The following PASD1 variants were observed in gnomAD, a reference collection of about 807,000 sequenced individuals.
PASD1 encodes the protein circadian clock protein PASD1.
In PASD1, 13 loss-of-function variants were observed where a neutral mutation model predicts 58.8. The ratio of observed to expected loss-of-function variants is 0.22; its 90% CI spans 0.14 to 0.35. PASD1 has a LOEUF of 0.35. Among genes scored for constraint, PASD1 ranks in the 10% least tolerant of loss-of-function variants. The pLI is 1.00. For synonymous variants in PASD1, 236 were observed against 216.7 expected (o/e 1.09, Z -0.78); for missense variants, 734 against 568.3 (o/e 1.29, Z -2.96).
chrX:151,606,982 G>A (rs2013497031), intron 3 of PASD1, among the ~76,000 whole-genome samples: 1 of 111,131 alleles, frequency 9.0e-6, no homozygotes, highest in Non-Finnish European at 1.9e-5. Context: ...ATAACATATA[G>A]TAACACTTAA....
intron 1 of PASD1, among the ~76,000 whole-genome samples, chrX:151,570,470 G>A (rs1347281760): frequency 8.9e-6 from 1 of 112,312 alleles, no homozygotes; most frequent in African/African-American, 3.2e-5. Context: ...TTTAAAAAAT[G>A]AAATTCTAAA....
At chrX:151,630,569 CATCAT>C (rs2124279768) in intron 8 of PASD1, among the ~76,000 whole-genome samples, 1 of 112,323 alleles carries the variant, frequency 8.9e-6, no homozygotes, top group East Asian at 2.8e-4. Context: ...GAAGAGATTG[CATCAT>C]ATCAGGGTTG....
intron 1 of PASD1, among the ~76,000 whole-genome samples, chrX:151,579,800 T>G (rs2013058622): frequency 2.7e-5 from 3 of 112,089 alleles, no homozygotes; most frequent in Admixed American, 1.9e-4. Context: ...TAGACAAGAT[T>G]ACACATGTTG....
intron 9 of PASD1, among the ~76,000 whole-genome samples, chrX:151,649,481 A>G (rs1179342567): frequency 8.9e-6 from 1 of 111,888 alleles, no homozygotes; most frequent in Non-Finnish European, 1.9e-5. Context: ...CATCTGTAAA[A>G]TGGAAGTAGT....
chrX:151,604,795 G>A lies in PASD1; in HGVS notation c.117+61G>A. ...TTGAATACATGTAATAGAAGACAAA[G>A]AATAGTGTTTGTCAAAGTGTGATTA... On this transcript the variant is annotated intron_variant, in intron 3 of 15. Coordinates refer to ENST00000370357, the MANE Select transcript of PASD1 (RefSeq NM_173493.3). 5.5e-6 allele frequency: 5 copies of A among 906,593 alleles called. No individual in the cohort carries two copies. The South Asian group carries it at 8.9e-5, about 16-fold the overall frequency. 74.7% of individuals were successfully genotyped at this position (906,593 alleles called of 1,213,427 possible).
Position 151,663,986 on chromosome X carries a change from T to C in PASD1, c.842-133T>C, listed in dbSNP as rs186112067. 1.4e-5 allele frequency: 14 copies of C among 988,507 alleles called. No individual in the cohort carries two copies. The East Asian group carries it at 4.4e-4, about 31-fold the overall frequency. 81.5% of individuals were successfully genotyped at this position (988,507 alleles called of 1,213,427 possible). ...AAATATGAACAGATTTTTAAAATAA[T>C]ATTCTGAATGATTCCTGGCACCTGG... On this transcript the variant is annotated intron_variant, in intron 10 of 15. Coordinates refer to ENST00000370357, the MANE Select transcript of PASD1 (RefSeq NM_173493.3).
At chrX:151,667,593 A>C (rs977244758) in intron 11 of PASD1, among the ~76,000 whole-genome samples, 16 of 112,228 alleles carry the variant, frequency 1.4e-4, no homozygotes, top group Non-Finnish European at 3.0e-4. Context: ...TCAGCTTTCT[A>C]CATATGGCTA....
intron 4 of PASD1, among the ~76,000 whole-genome samples, chrX:151,617,724 G>C (rs1225477804): frequency 8.9e-6 from 1 of 111,973 alleles, no homozygotes; most frequent in Non-Finnish European, 1.9e-5. Flanking sequence ...ATGCAAACTG[G>C]ACTTGAGGCA....
intron 1 of PASD1, among the ~76,000 whole-genome samples, chrX:151,591,915 C>CT (rs934399670): frequency 2.7e-5 from 3 of 111,843 alleles, no homozygotes; most frequent in Non-Finnish European, 5.6e-5. Flanking sequence ...CTCTCTCTCT[C>CT]TTTTTTTGTC....
At chrX:151,600,288 C>A (rs1035893804) in intron 1 of PASD1, among the ~76,000 whole-genome samples, 10 of 101,811 alleles carry the variant, frequency 9.8e-5, no homozygotes, top group African/African-American at 3.7e-4. Context: ...AGAGGGAGAC[C>A]GTGCAAAGAG....
intron 8 of PASD1, among the ~76,000 whole-genome samples, chrX:151,625,933 T>C (rs1275168359): frequency 9.0e-6 from 1 of 111,700 alleles, no homozygotes. Context: ...GGCAACAGAG[T>C]GAGACCCTGT....
At chrX:151,628,781 C>T (rs1046014904) in intron 8 of PASD1, among the ~76,000 whole-genome samples, 1 of 111,813 alleles carries the variant, frequency 8.9e-6, no homozygotes, top group African/African-American at 3.3e-5. Context: ...TTACCTTGGG[C>T]AGTATGGCCA....
At position 151,611,766 on chromosome X, in the gene PASD1, T is replaced by A. The variant is rs2013562348; in HGVS notation, c.207+13T>A. The A allele has an allele frequency of 8.6e-7, 1 of 1,156,597 alleles. No homozygotes were observed. The highest frequency in any genetic ancestry group is 1.2e-6 in the Non-Finnish European group (1 of 851,759). On this transcript the variant is annotated intron_variant, in intron 4 of 15. Coordinates refer to ENST00000370357, the MANE Select transcript of PASD1 (RefSeq NM_173493.3). Reference sequence around the variant, plus strand: ...TGGACATTTACCAGTAAGTTCTTTCTACTTTTGGGAAAGTGGATCATTCTG... The same window carrying A: ...TGGACATTTACCAGTAAGTTCTTTCAACTTTTGGGAAAGTGGATCATTCTG...
In PASD1 at chrX:151,676,499, GA is replaced by G. The variant is rs1286710772; in HGVS notation, c.*365del. On this transcript the variant is annotated 3_prime_UTR_variant, in exon 16 of 16. Coordinates refer to ENST00000370357, the MANE Select transcript of PASD1 (RefSeq NM_173493.3). ...CAAAGTTTTCAACATAAAGAATAAA[GA>G]AAAAAAAATGCCAAAGTGCTTTTCA... 88 of 148,732 alleles carry G rather than the reference GA, an allele frequency of 5.9e-4. No homozygotes were observed. The highest frequency in any genetic ancestry group is 2.0e-3 in the African/African-American group (64 of 31,788). The allele number at this position is 148,732 out of a possible 1,213,427, so 12.3% of individuals were successfully genotyped here.
chrX:151,661,957 G>A (rs1333997440), intron 10 of PASD1, among the ~76,000 whole-genome samples: 1 of 112,205 alleles, frequency 8.9e-6, no homozygotes, highest in Non-Finnish European at 1.9e-5. Flanking sequence ...ATTGCTGGTG[G>A]TGTTAACTTG....
rs113626398 is a variant in PASD1, at chrX:151,580,077, T to C, written c.-28+16238T>C. Among the ~76,000 whole-genome samples, 877 of 112,092 alleles carry C rather than the reference T, an allele frequency of 7.8e-3. 7 individuals are homozygous for C. Among genetic ancestry groups the C allele is most frequent in the African/African-American group, 0.027 (822 of 30,898 alleles). The stretch of plus-strand genomic sequence containing the variant: ...AACACCAGATGCTGACCCTCTGTGC[T>C]TCTGTTTCTGTATTCCATCTGTGCT... On this transcript the variant is annotated intron_variant, in intron 1 of 15. Coordinates refer to ENST00000370357, the MANE Select transcript of PASD1 (RefSeq NM_173493.3).
chrX:151,578,707 G>A (rs556078261), intron 1 of PASD1, among the ~76,000 whole-genome samples: 1 of 111,879 alleles, frequency 8.9e-6, no homozygotes, highest in Admixed American at 9.5e-5. Flanking sequence ...GCTTGGGGAT[G>A]ACATTTGCCA....
At chrX:151,649,129 T>C (rs1389796304) in intron 9 of PASD1, among the ~76,000 whole-genome samples, 1 of 111,868 alleles carries the variant, frequency 8.9e-6, no homozygotes, top group Non-Finnish European at 1.9e-5. Context: ...TTAAGGGACA[T>C]ACATTAATAG....
At chrX:151,603,017 A>G (rs1224163329) in intron 2 of PASD1, among the ~76,000 whole-genome samples, 1 of 112,091 alleles carries the variant, frequency 8.9e-6, no homozygotes, top group African/African-American at 3.2e-5. Context: ...CCTTCCTAAT[A>G]CCTTCCTAGT....
Sources: gnomAD v4.1 joint callset for allele counts (sites outside exome capture counted in the v4.1 genomes callset) on GRCh38, gnomAD v4.1.1 for gene constraint, MANE v1.5 for transcripts, NCBI Gene and HGNC (gene_info 2026-07-23, HGNC 2026-07-21) for gene names.